EIF4G3: variants seen among roughly 807,000 people sequenced by gnomAD.
The protein encoded by EIF4G3 is eukaryotic translation initiation factor 4 gamma 3, also known as eIF-4-gamma 3.
Under a neutral mutation model 186.4 loss-of-function variants are expected in EIF4G3, and 34 were observed. That is an observed-to-expected ratio of 0.18 (90% CI 0.14 to 0.24). The LOEUF (loss-of-function observed/expected upper bound fraction) is 0.24. EIF4G3 is among the 10% of genes least tolerant of loss of function. EIF4G3 has a pLI of 1.00. For synonymous variants in EIF4G3, 673 were observed against 679.5 expected, an observed-to-expected ratio of 0.99 and a Z score of 0.15; for missense variants, 1,536 against 1,948.5, an observed-to-expected ratio of 0.79 and a Z score of 3.99.
At chr1:21,068,773 A>G (rs74468870) in intron 3 of EIF4G3, among the ~76,000 whole-genome samples, 4 of 152,306 alleles carry the variant, frequency 2.6e-5, no homozygotes, top group African/African-American at 9.6e-5. Context: ...AGTGTTACTT[A>G]TAGTAATAAA....
intron 10 of EIF4G3, among the ~76,000 whole-genome samples, chr1:20,975,405 G>A (rs981417488): frequency 1.3e-5 from 2 of 151,260 alleles, no homozygotes; most frequent in East Asian, 1.9e-4. Flanking sequence ...AAAAAACCTG[G>A]ATTCTTCTCA....
At chr1:20,994,928 C>T (rs1003101761) in intron 7 of EIF4G3, among the ~76,000 whole-genome samples, 4 of 152,078 alleles carry the variant, frequency 2.6e-5, no homozygotes, top group African/African-American at 7.2e-5. Flanking sequence ...CATCAAACAC[C>T]GCATCCAGCT....
chr1:20,825,244 A>C lies in EIF4G3; in HGVS notation c.4270-46T>G, dbSNP rs781030480. On this transcript the variant is annotated intron_variant, in intron 32 of 36. Coordinates refer to ENST00000602326, the MANE Select transcript of EIF4G3 (RefSeq NM_001391906.1). ...ATCCATTTACTTTCACAGTGGAAGA[A>C]GAAACAGAAAAAAAAAAAAAAAAAA... 4.2e-6 allele frequency: 4 copies of C among 960,208 alleles called. No individual in the cohort carries two copies. In the Admixed American group the frequency reaches 1.1e-4, roughly 27 times the overall value. The allele number at this position is 960,208 out of a possible 1,614,324, so 59.5% of individuals were successfully genotyped here. A position where few individuals can be genotyped will look rare whatever the true frequency, so the allele number is the denominator to read the frequency against.
intron 7 of EIF4G3, among the ~76,000 whole-genome samples, chr1:20,989,320 T>C (rs2080435563): frequency 6.7e-6 from 1 of 150,280 alleles, no homozygotes; most frequent in Admixed American, 6.6e-5. Flanking sequence ...CTTCGGGAAG[T>C]GGAGGCGGGT....
At chr1:20,910,471 C>T in intron 14 of EIF4G3, among the ~76,000 whole-genome samples, 1 of 152,104 alleles carries the variant, frequency 6.6e-6, no homozygotes, top group East Asian at 1.9e-4. Context: ...GTAATCCCAG[C>T]TACTCAGGAG....
At chr1:21,145,922 A>C (rs1287552505) in intron 2 of EIF4G3, among the ~76,000 whole-genome samples, 12 of 152,072 alleles carry the variant, frequency 7.9e-5, no homozygotes, top group Admixed American at 7.9e-4. Flanking sequence ...TCTACAAAAA[A>C]CATTTTTAAA....
intron 3 of EIF4G3, among the ~76,000 whole-genome samples, chr1:21,058,223 A>C: frequency 6.6e-6 from 1 of 152,186 alleles, no homozygotes; most frequent in East Asian, 1.9e-4. Context: ...GCCAGATGTA[A>C]ACAACAGAGA....
intron 12 of EIF4G3, among the ~76,000 whole-genome samples, chr1:20,966,037 T>C (rs1454566797): frequency 6.6e-6 from 1 of 152,212 alleles, no homozygotes; most frequent in Admixed American, 6.5e-5. Flanking sequence ...TTAATGGGTC[T>C]CTGGTATCTG....
intron 2 of EIF4G3, among the ~76,000 whole-genome samples, chr1:21,147,674 G>A (rs1027698233): frequency 8.5e-5 from 13 of 152,048 alleles, no homozygotes; most frequent in African/African-American, 2.7e-4. Context: ...AAAAATACAT[G>A]AGCCTAGGAC....
At chr1:21,143,959 TCTCC>T (rs1329448831) in intron 2 of EIF4G3, among the ~76,000 whole-genome samples, 1 of 152,084 alleles carries the variant, frequency 6.6e-6, no homozygotes, top group East Asian at 1.9e-4. Flanking sequence ...AGAAATGAGG[TCTCC>T]CTAAGTTGCC....
chr1:21,052,612 G>T (rs1057164734), intron 3 of EIF4G3, among the ~76,000 whole-genome samples: 2 of 151,238 alleles, frequency 1.3e-5, no homozygotes, highest in Non-Finnish European at 2.9e-5. Context: ...CTCTTTCCAC[G>T]GTCTCCCCCT....
chr1:20,874,157 G>C (rs1471804388), intron 20 of EIF4G3, among the ~76,000 whole-genome samples: 6 of 152,148 alleles, frequency 3.9e-5, no homozygotes, highest in African/African-American at 1.4e-4. Context: ...ACACACGTGT[G>C]CATGTGTCTT....
intron 3 of EIF4G3, 109 bp from the exon 4 acceptor site, chr1:21,051,103 C>T (rs906321047): frequency 3.5e-5 from 23 of 654,662 alleles, no homozygotes; most frequent in Non-Finnish European, 5.8e-5. Context: ...ACAACTTACA[C>T]TAAAATAAGC....
chr1:20,939,847 GTTTT>G (rs538504683), intron 14 of EIF4G3, among the ~76,000 whole-genome samples: 7 of 89,914 alleles, frequency 7.8e-5, no homozygotes, highest in Non-Finnish European at 1.1e-4. Context: ...AAGTTGTTTA[GTTTT>G]TTTTTTTTTT....
rs1001889405 is a variant in EIF4G3, at chr1:20,882,619, TCAAAAAAAAA to T, written c.2425-3109_2425-3100del. ...CAGGGCGACACAGTGAGACTCCATCTCAAAAAAAAACAAAAAAAAACAAAAAAAAATTAAC... is the reference window on the plus strand; with the variant it reads ...CAGGGCGACACAGTGAGACTCCATCTCAAAAAAAAACAAAAAAAAATTAAC... On this transcript the variant is annotated intron_variant, in intron 19 of 36. Transcript: ENST00000602326. Among the ~76,000 whole-genome samples the T allele has an allele frequency of 4.5e-4, 54 of 118,738 alleles. 1 individual carries two copies. The highest frequency in any genetic ancestry group is 1.0e-3 in the Admixed American group (11 of 10,794). The allele number at this position is 118,738 out of a possible 152,430, so 77.9% of individuals were successfully genotyped here. A position where few individuals can be genotyped will look rare whatever the true frequency, so the allele number is the denominator to read the frequency against.
At chr1:20,945,006 T>C (rs1400261137) in intron 13 of EIF4G3, among the ~76,000 whole-genome samples, 1 of 152,084 alleles carries the variant, frequency 6.6e-6, no homozygotes. Flanking sequence ...TGAGACTCTA[T>C]CTCAAACAAA....
intron 2 of EIF4G3, among the ~76,000 whole-genome samples, chr1:21,120,761 A>G (rs1380143707): frequency 6.6e-6 from 1 of 152,200 alleles, no homozygotes; most frequent in Non-Finnish European, 1.5e-5. Context: ...AGACTATGGC[A>G]CCGAATATGA....
chr1:20,943,974 T>TGTGTGTGTG (rs1558363606), intron 13 of EIF4G3, among the ~76,000 whole-genome samples: 17 of 62,468 alleles, frequency 2.7e-4, no homozygotes, highest in African/African-American at 9.3e-4. Context: ...TTTATTTTTT[T>TGTGTGTGTG]TGTGTGTGTG....
intron 30 of EIF4G3, among the ~76,000 whole-genome samples, chr1:20,831,596 A>C (rs2065206513): frequency 7.6e-6 from 1 of 131,736 alleles, no homozygotes; most frequent in Non-Finnish European, 1.7e-5. Flanking sequence ...TTTCCTTCCA[A>C]TCATCTTACT....
Sources: gnomAD v4.1 joint callset for allele counts (sites outside exome capture counted in the v4.1 genomes callset) on GRCh38, gnomAD v4.1.1 for gene constraint, MANE v1.5 for transcripts, NCBI Gene and HGNC (gene_info 2026-07-23, HGNC 2026-07-21) for gene names.